ERC2: variants seen among roughly 807,000 people sequenced by gnomAD.
ERC2 encodes the protein ERC protein 2.
A neutral mutation model predicts 114.8 loss-of-function variants in ERC2; 42 were observed. That is an observed-to-expected ratio of 0.37 (90% CI 0.29 to 0.47). ERC2 has a LOEUF of 0.47. Among genes scored for constraint, ERC2 ranks in the 20% least tolerant of loss-of-function variants. The pLI, the probability that ERC2 is intolerant of heterozygous loss-of-function variation, is 0.99. For synonymous variants in ERC2, 454 were observed against 425.5 expected (o/e 1.07, Z -0.82); for missense variants, 939 against 1,150.7 (o/e 0.82, Z 2.66).
In ERC2 at chr3:55,951,817, T is replaced by C. The variant is rs147813479; in HGVS notation, c.2268-1257A>G. Reference sequence around the variant, plus strand: ...AAATGTAAACAAGATGAGAACTAGATGATAAACAGCAAACGTGAAATTGAA... The same window carrying C: ...AAATGTAAACAAGATGAGAACTAGACGATAAACAGCAAACGTGAAATTGAA... On this transcript the variant is annotated intron_variant, in intron 12 of 17. Transcript: ENST00000288221. Among the ~76,000 whole-genome samples the C allele has an allele frequency of 2.6e-3, 396 of 152,136 alleles. 2 individuals are homozygous for C. Among genetic ancestry groups the C allele is most frequent in the African/African-American group, 9.2e-3 (381 of 41,502 alleles).
chr3:56,464,907 G>T (rs1022817953), intron 1 of ERC2, among the ~76,000 whole-genome samples: 1 of 152,044 alleles, frequency 6.6e-6, no homozygotes, highest in Non-Finnish European at 1.5e-5. Context: ...AGGCTAGAGG[G>T]TGTCCTAGTA....
intron 17 of ERC2, among the ~76,000 whole-genome samples, chr3:55,538,895 C>A (rs952122423): frequency 6.6e-6 from 1 of 152,322 alleles, no homozygotes. Flanking sequence ...GATTTCCCCC[C>A]ATTAAATTAA....
chr3:56,299,231 CTT>C (rs2055693198), intron 2 of ERC2, among the ~76,000 whole-genome samples: 2 of 150,142 alleles, frequency 1.3e-5, no homozygotes, highest in African/African-American at 5.0e-5. Flanking sequence ...GGGTTCACGC[CTT>C]TCTGCTGCCT....
At chr3:56,293,323 A>C (rs1422452828) in intron 3 of ERC2, among the ~76,000 whole-genome samples, 1 of 152,246 alleles carries the variant, frequency 6.6e-6, no homozygotes, top group Non-Finnish European at 1.5e-5. Context: ...TATTAGAGGT[A>C]AACATTTCAC....
chr3:56,301,330 GT>G (rs2055862127), intron 2 of ERC2, among the ~76,000 whole-genome samples: 1 of 151,746 alleles, frequency 6.6e-6, no homozygotes, highest in Admixed American at 6.6e-5. Context: ...TTTTCTTTTA[GT>G]TTTCATTTTC....
intron 2 of ERC2, among the ~76,000 whole-genome samples, chr3:56,386,929 G>A (rs1054534400): frequency 2.6e-5 from 4 of 152,154 alleles, no homozygotes; most frequent in African/African-American, 7.2e-5. Flanking sequence ...GTTGCAACAG[G>A]GCCTGAAGCC....
At chr3:56,258,662 A>AAAAC (rs919069317) in intron 3 of ERC2, among the ~76,000 whole-genome samples, 1 of 152,334 alleles carries the variant, frequency 6.6e-6, no homozygotes, top group East Asian at 1.9e-4. Context: ...TCAAGAAAAC[A>AAAAC]AAACAAACAA....
rs1576689228 is a variant in ERC2, at chr3:56,383,563, T to G, written c.657+50788A>C. Among the ~76,000 whole-genome samples, 5 of 152,334 alleles carry G rather than the reference T, an allele frequency of 3.3e-5. No individual in the cohort carries two copies. In the South Asian group the frequency reaches 1.0e-3, roughly 32 times the overall value. On this transcript the variant is annotated intron_variant, in intron 2 of 17. Coordinates refer to ENST00000288221, the MANE Select transcript of ERC2 (RefSeq NM_015576.3). ...GGCACATAGTGGATACTCAACAAAA[T>G]GTGCTGAATGAATGAATGAATGGAA...
At chr3:56,241,122 C>G (rs2051292773) in intron 3 of ERC2, among the ~76,000 whole-genome samples, 1 of 151,980 alleles carries the variant, frequency 6.6e-6, no homozygotes, top group Non-Finnish European at 1.5e-5. Context: ...ATAATGGCAT[C>G]CAGCTCCATC....
intron 2 of ERC2, among the ~76,000 whole-genome samples, chr3:56,339,549 T>C (rs2058004772): frequency 6.6e-6 from 1 of 152,034 alleles, no homozygotes; most frequent in South Asian, 2.1e-4. Context: ...AAGGGAGCCT[T>C]TGAAAAGCTT....
At chr3:55,529,981 A>G (rs906832839) in intron 17 of ERC2, among the ~76,000 whole-genome samples, 1 of 152,174 alleles carries the variant, frequency 6.6e-6, no homozygotes, top group African/African-American at 2.4e-5. Flanking sequence ...ATTGGTCTAG[A>G]TGGAATAAAG....
In ERC2 at chr3:55,734,715, A is replaced by C. The variant is rs141363844; in HGVS notation, c.2712+56T>G. The C allele has an allele frequency of 4.5e-6, 7 of 1,554,060 alleles. No homozygotes were observed. The African/African-American group carries it at 8.3e-5, about 18-fold the overall frequency. On this transcript the variant is annotated intron_variant, in intron 15 of 17. Coordinates refer to ENST00000288221, the MANE Select transcript of ERC2 (RefSeq NM_015576.3). Reference sequence around the variant, plus strand: ...AATGAAGAGTGGCTAAAATCCAGAGAAAGCCCCCAAAGCCCCAAACCCAGA... The same window carrying C: ...AATGAAGAGTGGCTAAAATCCAGAGCAAGCCCCCAAAGCCCCAAACCCAGA...
intron 2 of ERC2, among the ~76,000 whole-genome samples, chr3:56,396,113 T>G (rs751756114): frequency 9.9e-5 from 15 of 152,218 alleles, no homozygotes; most frequent in Admixed American, 5.9e-4. Flanking sequence ...AACAGAAATT[T>G]GTACAACCAT....
chr3:55,799,146 G>C (rs1428969708), intron 14 of ERC2, among the ~76,000 whole-genome samples: 3 of 151,850 alleles, frequency 2.0e-5, no homozygotes, highest in African/African-American at 2.4e-5. Flanking sequence ...ACTCACCAAA[G>C]CTGATCCAGC....
At chr3:56,157,441 A>C (rs2081793711) in intron 4 of ERC2, among the ~76,000 whole-genome samples, 1 of 152,148 alleles carries the variant, frequency 6.6e-6, no homozygotes, top group Non-Finnish European at 1.5e-5. Flanking sequence ...ATCTAAATGG[A>C]AAGAGGGTTT....
chr3:56,157,388 G>A (rs1273065437), intron 4 of ERC2, among the ~76,000 whole-genome samples: 2 of 152,060 alleles, frequency 1.3e-5, no homozygotes, highest in Non-Finnish European at 2.9e-5. Context: ...ATGTGTGCAG[G>A]GCCATCCCCT....
chr3:56,411,265 T>G lies in ERC2; in HGVS notation c.657+23086A>C, dbSNP rs139700269. On this transcript the variant is annotated intron_variant, in intron 2 of 17. Transcript: ENST00000288221. ...AATTATCTGTAAATAACAAGAAAGATGTCGAAATATTAACGCCTCCTCCAT... is the reference window on the plus strand; with the variant it reads ...AATTATCTGTAAATAACAAGAAAGAGGTCGAAATATTAACGCCTCCTCCAT... 4.7e-4 allele frequency among the ~76,000 whole-genome samples: 71 copies of G among 151,608 alleles called. 2 individuals are homozygous for G. In the East Asian group the frequency reaches 0.014, roughly 30 times the overall value.
At chr3:55,929,948 A>G (rs2065975723) in intron 13 of ERC2, among the ~76,000 whole-genome samples, 1 of 152,132 alleles carries the variant, frequency 6.6e-6, no homozygotes. Context: ...TTTATAAATT[A>G]CTCAGTCTTG....
At chr3:56,158,481 A>G (rs1389799993) in intron 4 of ERC2, among the ~76,000 whole-genome samples, 1 of 152,102 alleles carries the variant, frequency 6.6e-6, no homozygotes, top group East Asian at 1.9e-4. Context: ...TTTACAGATA[A>G]AACTCAATTT....
Sources: gnomAD v4.1 joint callset for allele counts (sites outside exome capture counted in the v4.1 genomes callset) on GRCh38, gnomAD v4.1.1 for gene constraint, MANE v1.5 for transcripts, NCBI Gene and HGNC (gene_info 2026-07-23, HGNC 2026-07-21) for gene names.